Variants in PCDHGA11 observed in about 807,000 individuals in gnomAD.
The protein encoded by PCDHGA11 is protocadherin gamma subfamily A, 11.
A neutral mutation model predicts 60.4 loss-of-function variants in PCDHGA11; 39 were observed. The observed-to-expected ratio is 0.65, with a 90% CI of 0.50 to 0.84. The LOEUF (loss-of-function observed/expected upper bound fraction) is 0.84, where lower values mean the gene tolerates loss of function less well. PCDHGA11 is among the 40% of genes least tolerant of loss of function. The probability of loss-of-function intolerance (pLI) is 0.00; values close to 1 mark genes in which losing one functional copy is unlikely to be tolerated. For missense variants in PCDHGA11, 1,165 were observed against 1,197.7 expected (o/e 0.97, Z 0.40); for synonymous variants, 533 against 510.3 (o/e 1.04, Z -0.60).
chr5:141,506,737 C>T (rs893758261), intron 3 of PCDHGA11, among the ~76,000 whole-genome samples: 5 of 152,076 alleles, frequency 3.3e-5, no homozygotes, highest in African/African-American at 1.2e-4. Flanking sequence ...AGAATAATGC[C>T]TATTAATAAA....
chr5:141,489,151 AAG>A lies in PCDHGA11; in HGVS notation c.2434-5652_2434-5651del. ...TTTTTAAGAGGCTGGAAGGAGACAT[AAG>A]AGACTTCAGCTGCTGCATTCCAAGC... On this transcript the variant is annotated intron_variant, in intron 1 of 3. Coordinates refer to ENST00000398587, the MANE Select transcript of PCDHGA11 (RefSeq NM_018914.3). The surrounding 1 kb of genome is among the most constrained non-coding windows in gnomAD (Gnocchi z 4.5). The A allele has an allele frequency of 1.1e-6, 1 of 932,970 alleles. No homozygotes were observed. The highest frequency in any genetic ancestry group is 1.6e-6 in the Non-Finnish European group (1 of 622,054). 57.8% of individuals were successfully genotyped at this position (932,970 alleles called of 1,614,324 possible).
In PCDHGA11 at chr5:141,489,950, A is replaced by G; in HGVS notation, c.2434-4857A>G. 2 of 1,614,192 alleles carry G rather than the reference A, an allele frequency of 1.2e-6. No individual in the cohort carries two copies. The highest frequency in any genetic ancestry group is 1.1e-5 in the South Asian group (1 of 91,088). ...TCTGTCATCGTGCTGGACATCAATG[A>G]TAATGCTCCAACCTTCCAATCCTCA... On this transcript the variant is annotated intron_variant, in intron 1 of 3. Transcript: ENST00000398587. The surrounding 1 kb of genome is among the most constrained non-coding windows in gnomAD (Gnocchi z 4.5).
At chr5:141,475,871 A>G (rs568810142) in intron 1 of PCDHGA11, 17 of 513,152 alleles carry the variant, frequency 3.3e-5, no homozygotes, top group Middle Eastern at 5.1e-4. Context: ...TTCTTCGTGC[A>G]GTTATTGGCT....
chr5:141,497,957 A>G (rs2099780682), intron 2 of PCDHGA11, among the ~76,000 whole-genome samples: 1 of 152,242 alleles, frequency 6.6e-6, no homozygotes, highest in Non-Finnish European at 1.5e-5. Flanking sequence ...TCTGTTGGCC[A>G]GGCAGTGTTC....
At chr5:141,433,034 C>T in intron 1 of PCDHGA11, 1 of 1,614,184 alleles carries the variant, frequency 6.2e-7, no homozygotes. Flanking sequence ...CGAGGTTTCC[C>T]TCACCACGGA....
intron 1 of PCDHGA11, chr5:141,478,026 C>G: frequency 6.2e-7 from 1 of 1,614,180 alleles, no homozygotes; most frequent in Non-Finnish European, 8.5e-7. Flanking sequence ...GTCCAAGACA[C>G]AGATTCACCC....
intron 1 of PCDHGA11, among the ~76,000 whole-genome samples, chr5:141,459,747 A>G (rs553965181): frequency 3.2e-4 from 48 of 152,318 alleles, no homozygotes; most frequent in African/African-American, 1.1e-3. Flanking sequence ...AATTTTAGCA[A>G]TTCTAGTGGG....
In PCDHGA11 at chr5:141,489,984, T is replaced by C; in HGVS notation, c.2434-4823T>C. The C allele has an allele frequency of 1.2e-6, 2 of 1,614,212 alleles. No homozygotes were observed. Among genetic ancestry groups the C allele is most frequent in the South Asian group, 1.1e-5 (1 of 91,090 alleles). ...CAACCTTCCAATCCTCAGTTCTACG[T>C]GTGGGAATCCCAGAGAATGCACCCA... On this transcript the variant is annotated intron_variant, in intron 1 of 3. Transcript: ENST00000398587. The surrounding 1 kb of genome is among the most constrained non-coding windows in gnomAD (Gnocchi z 4.5).
At chr5:141,428,141 G>A (rs1314061143) in intron 1 of PCDHGA11, 1 of 1,596,618 alleles carries the variant, frequency 6.3e-7, no homozygotes, top group Non-Finnish European at 8.6e-7. Context: ...GCCTGGGGCT[G>A]CACACGGGAA....
chr5:141,434,440 T>C (rs1283641379), intron 1 of PCDHGA11, among the ~76,000 whole-genome samples: 2 of 152,238 alleles, frequency 1.3e-5, no homozygotes, highest in Non-Finnish European at 2.9e-5. Flanking sequence ...GTAATGCCCA[T>C]GCTGGAAGGT....
In PCDHGA11 at chr5:141,423,332, C is replaced by G; in HGVS notation, c.2105C>G (p.Ser702Cys). Reference sequence around the variant, plus strand: ...TTGGTGGTGGCGGTGGCCGCAGTCTCCTGCATCTTCCTGGTCTTTGTCATC... The same window carrying G: ...TTGGTGGTGGCGGTGGCCGCAGTCTGCTGCATCTTCCTGGTCTTTGTCATC... ...LYLVVAVAAV[S>C]CIFLVFVIVL... The change falls in exon 1 of 4, where the codon TCC (serine) becomes TGC (cysteine). Residue 702 changes from serine (S) to cysteine (C), a missense_variant. Coordinates refer to ENST00000398587, the MANE Select transcript of PCDHGA11 (RefSeq NM_018914.3). 1.2e-6 allele frequency: 2 copies of G among 1,614,198 alleles called. No individual in the cohort carries two copies. Among genetic ancestry groups the G allele is most frequent in the Non-Finnish European group, 1.7e-6 (2 of 1,180,034 alleles).
intron 1 of PCDHGA11, chr5:141,423,907 G>C: frequency 7.9e-7 from 1 of 1,271,360 alleles, no homozygotes. Context: ...TTTCAAAGGG[G>C]CCATTCAACT....
intron 3 of PCDHGA11, among the ~76,000 whole-genome samples, chr5:141,506,564 G>A (rs984395438): frequency 5.3e-5 from 8 of 152,016 alleles, no homozygotes; most frequent in East Asian, 1.9e-4. Context: ...AAACCCCCTC[G>A]GTTTCACTTA....
chr5:141,476,553 A>G lies in PCDHGA11; in HGVS notation c.2434-18254A>G. On this transcript the variant is annotated intron_variant, in intron 1 of 3. Coordinates refer to ENST00000398587, the MANE Select transcript of PCDHGA11 (RefSeq NM_018914.3). The surrounding 1 kb of genome is among the most constrained non-coding windows in gnomAD (Gnocchi z 7.6). ...CAGGAAATGAAATTGGAGATTAGCG[A>G]GGCCGTGGCTCCGGGGACGCGCTTT... The G allele has an allele frequency of 1.2e-6, 2 of 1,614,226 alleles. No homozygotes were observed. The highest frequency in any genetic ancestry group is 1.7e-6 in the Non-Finnish European group (2 of 1,180,040).
chr5:141,481,679 C>T (rs2099541734), intron 1 of PCDHGA11, among the ~76,000 whole-genome samples: 1 of 151,948 alleles, frequency 6.6e-6, no homozygotes, highest in Non-Finnish European at 1.5e-5. Context: ...TCAGGCCGGG[C>T]CTGGTGGCTC....
In PCDHGA11 at chr5:141,486,001, C is replaced by T. The variant is rs771993915; in HGVS notation, c.2434-8806C>T. ...ACCCGGACCTGGGTCCCAGTGGTAA[C>T]GTCACCTTTTATTTCAGTGGTCATA... On this transcript the variant is annotated intron_variant, in intron 1 of 3. Coordinates refer to ENST00000398587, the MANE Select transcript of PCDHGA11 (RefSeq NM_018914.3). This position sits in a 1 kb window ranked among gnomAD's most constrained non-coding sequence, Gnocchi z 5.0. The T allele has an allele frequency of 2.5e-6, 4 of 1,614,076 alleles. No homozygotes were observed. The highest frequency in any genetic ancestry group is 8.5e-7 in the Non-Finnish European group (1 of 1,180,032).
At chr5:141,498,137 G>T (rs1319960274) in intron 2 of PCDHGA11, among the ~76,000 whole-genome samples, 1 of 152,204 alleles carries the variant, frequency 6.6e-6, no homozygotes, top group Non-Finnish European at 1.5e-5. Context: ...GGAGCAGGAG[G>T]ACATCCTGGA....
intron 1 of PCDHGA11, among the ~76,000 whole-genome samples, chr5:141,442,810 T>C (rs2098345227): frequency 6.6e-6 from 1 of 152,222 alleles, no homozygotes; most frequent in Non-Finnish European, 1.5e-5. Context: ...ATTCAAATTG[T>C]ACTGATCCAA....
At chr5:141,497,691 C>T (rs2099778682) in intron 2 of PCDHGA11, among the ~76,000 whole-genome samples, 1 of 152,066 alleles carries the variant, frequency 6.6e-6, no homozygotes, top group African/African-American at 2.4e-5. Flanking sequence ...AGGTGTGCAC[C>T]ACCACACCCA....
Sources: gnomAD v4.1 joint callset for allele counts (sites outside exome capture counted in the v4.1 genomes callset) on GRCh38, gnomAD v4.1.1 for gene constraint, Gnocchi (gnomAD v3.1) non-coding constraint, MANE v1.5 for transcripts, NCBI Gene and HGNC (gene_info 2026-07-23, HGNC 2026-07-21) for gene names.